Variants in ARHGAP45 observed in about 807,000 individuals in gnomAD.
The protein encoded by ARHGAP45 is Rho GTPase activating protein 45.
ARHGAP45 carries 56 observed loss-of-function variants against 116.1 expected under a neutral mutation model. The observed-to-expected ratio is 0.48, with a 90% CI of 0.39 to 0.60. The LOEUF (loss-of-function observed/expected upper bound fraction) is 0.60. Among genes scored for constraint, ARHGAP45 ranks in the 20% least tolerant of loss-of-function variants. ARHGAP45 has a pLI of 0.00. For synonymous variants in ARHGAP45, 866 were observed against 701.7 expected (o/e 1.23, Z -3.70); for missense variants, 1,622 against 1,601.0 (o/e 1.01, Z -0.22).
intron 10 of ARHGAP45, chr19:1,077,196 G>C (rs1022000742): frequency 1.0e-6 from 1 of 985,374 alleles, no homozygotes; most frequent in Middle Eastern, 5.2e-4. Context: ...CTGTGAGGAG[G>C]GAAGTGAAAG....
chr19:1,074,924 C>A, intron 10 of ARHGAP45, 45 bp downstream of exon 10: 2 of 1,459,792 alleles, frequency 1.4e-6, no homozygotes, highest in Admixed American at 2.2e-5. Context: ...CAGCGGGCCT[C>A]GGCGCAGGCG....
chr19:1,074,004 C>T lies in ARHGAP45; in HGVS notation c.780C>T (p.Asp260=), dbSNP rs773818879. 3.1e-6 allele frequency: 5 copies of T among 1,597,190 alleles called. No individual in the cohort carries two copies. In the South Asian group the frequency reaches 5.6e-5, roughly 18 times the overall value. Residue 260 remains aspartate (D), a synonymous_variant, in exon 6 of 23, where the codon GAC becomes GAT. Coordinates refer to ENST00000313093, the MANE Select transcript of ARHGAP45 (RefSeq NM_012292.5). ...GSEGTPPSLE[D]CDAGCLPAEE... ...AGGGCACGCCTCCCAGCCTGGAAGA[C>T]TGTGACGCCGGTAAGCCCCCACCCA... is the stretch of plus-strand genomic sequence containing the variant.
At position 1,067,356 on chromosome 19, in the gene ARHGAP45, G is replaced by T. The variant is rs1031383820; in HGVS notation, c.-50G>T. Reference sequence around the variant, plus strand: ...GAAGCGGCCAGCGCCGGGAGCTGCAGCGCTGAGACCCCCAGCCCGCCCCCT... The same window carrying T: ...GAAGCGGCCAGCGCCGGGAGCTGCATCGCTGAGACCCCCAGCCCGCCCCCT... On this transcript the variant is annotated 5_prime_UTR_variant, in exon 1 of 23. Transcript: ENST00000313093. 5 of 1,508,672 alleles carry T rather than the reference G, an allele frequency of 3.3e-6. No individual in the cohort carries two copies. In the Admixed American group the frequency reaches 7.1e-5, roughly 21 times the overall value. 93.5% of individuals were successfully genotyped at this position (1,508,672 alleles called of 1,614,324 possible). A position where few individuals can be genotyped will look rare whatever the true frequency, so the allele number is the denominator to read the frequency against.
intron 5 of ARHGAP45, 51 bp from the exon 6 acceptor site, chr19:1,073,897 C>T: frequency 6.5e-7 from 1 of 1,529,480 alleles, no homozygotes; most frequent in Non-Finnish European, 8.8e-7. Context: ...AGGGTGGGCA[C>T]TGCCCAGGGC....
intron 17 of ARHGAP45, 89 bp downstream of exon 17, chr19:1,081,153 C>T: frequency 1.4e-6 from 2 of 1,412,288 alleles, no homozygotes; most frequent in East Asian, 4.8e-5. Flanking sequence ...TCAGGAATGT[C>T]CGGCCCAGAG....
chr19:1,073,881 C>A (rs1367461662), intron 5 of ARHGAP45, 67 bp from the exon 6 acceptor site: 13 of 1,530,514 alleles, frequency 8.5e-6, no homozygotes, highest in Non-Finnish European at 1.1e-5. Context: ...AGCAACCGTC[C>A]CCTGAAGGGT....
In ARHGAP45 at chr19:1,077,992, G is replaced by C; in HGVS notation, c.1321G>C (p.Ala441Pro). 9 of 1,555,256 alleles carry C rather than the reference G, an allele frequency of 5.8e-6. No individual in the cohort carries two copies. Among genetic ancestry groups the C allele is most frequent in the Non-Finnish European group, 7.8e-6 (9 of 1,148,800 alleles). The change falls in exon 11 of 23, where the codon GCC (alanine) becomes CCC (proline). Residue 441 changes from alanine to proline, a missense_variant. Ala to Pro is a conservative substitution (Grantham distance 27). Transcript: ENST00000313093. ...AGSAPGAGST[A>P]TKTLDKRRRL... ...CAGCGCGCCGGGAGCAGGCAGCACG[G>C]CCACCAAGACCCTGGACAAGCGGCG...
chr19:1,079,100 A>G (rs1401145698), intron 11 of ARHGAP45, among the ~76,000 whole-genome samples: 3 of 151,382 alleles, frequency 2.0e-5, no homozygotes, highest in Non-Finnish European at 2.9e-5. Context: ...AAATGGCATG[A>G]ACCCGGGAGG....
chr19:1,067,997 A>T (rs1254283861), intron 1 of ARHGAP45, among the ~76,000 whole-genome samples: 1 of 151,194 alleles, frequency 6.6e-6, no homozygotes, highest in Non-Finnish European at 1.5e-5. Context: ...GATGTCTACA[A>T]GGCCTGGGGC....
At chr19:1,084,476 C>A in intron 22 of ARHGAP45, 130 bp downstream of exon 22, 1 of 645,008 alleles carries the variant, frequency 1.6e-6, no homozygotes, top group African/African-American at 1.9e-5. Context: ...ATTTCGTCTG[C>A]CACGGAGACC....
chr19:1,080,146 G>T (rs779990901), intron 13 of ARHGAP45, 28 bp downstream of exon 13: 49 of 1,610,366 alleles, frequency 3.0e-5, no homozygotes, highest in Non-Finnish European at 4.2e-5. Flanking sequence ...CCCTGTCCCC[G>T]GCGCACAAGG....
intron 19 of ARHGAP45, 25 bp downstream of exon 19, chr19:1,081,986 G>C (rs760327672): frequency 6.2e-7 from 1 of 1,602,912 alleles, no homozygotes; most frequent in Non-Finnish European, 8.5e-7. Context: ...TGGTGGCCAG[G>C]CAGAGCCTGG....
chr19:1,077,122 A>T, intron 10 of ARHGAP45: 1 of 985,304 alleles, frequency 1.0e-6, no homozygotes, highest in Non-Finnish European at 1.2e-6. Context: ...GTTTTTGACT[A>T]AGTGCTCTTC....
At chr19:1,083,619 C>G (rs1457602833) in intron 21 of ARHGAP45, among the ~76,000 whole-genome samples, 1 of 152,220 alleles carries the variant, frequency 6.6e-6, no homozygotes, top group Non-Finnish European at 1.5e-5. Flanking sequence ...ACCCTTCACC[C>G]CCAGCTTCCT....
rs1453348073 is a variant in ARHGAP45 at position 1,073,487 on chromosome 19, C to T, written c.566-19C>T. ...TCCCAGAGTGGGCCCACCTCCTTGTCCTTATCTCTGCTTCCCAGCCTTCCA... is the reference window on the plus strand; with the variant it reads ...TCCCAGAGTGGGCCCACCTCCTTGTTCTTATCTCTGCTTCCCAGCCTTCCA... On this transcript the variant is annotated intron_variant, in intron 3 of 22. Coordinates refer to ENST00000313093, the MANE Select transcript of ARHGAP45 (RefSeq NM_012292.5). The T allele has an allele frequency of 9.3e-6, 15 of 1,612,188 alleles. No individual in the cohort carries two copies. In the Admixed American group the frequency reaches 1.2e-4, roughly 13 times the overall value.
At position 1,084,228 on chromosome 19, in the gene ARHGAP45, G is replaced by C. The variant is rs150937019; in HGVS notation, c.2956-10G>C. The C allele has an allele frequency of 5.6e-6, 9 of 1,612,290 alleles. No individual in the cohort carries two copies. The East Asian group carries it at 2.0e-4, about 36-fold the overall frequency. On this transcript the variant is annotated splice_polypyrimidine_tract_variant and intron_variant, in intron 21 of 22. Transcript: ENST00000313093. Reference sequence around the variant, plus strand: ...CCGGCCCCTCTATGACTTCCGTTCTGCACTTGCAGGACGAGTCATCCAACC... The same window carrying C: ...CCGGCCCCTCTATGACTTCCGTTCTCCACTTGCAGGACGAGTCATCCAACC...
rs560099085 is a variant in ARHGAP45, at chr19:1,082,790, G to T, written c.2518-50G>T. 3.4e-4 allele frequency: 480 copies of T among 1,415,714 alleles called. 1 individual carries two copies. Among genetic ancestry groups the T allele is most frequent in the Admixed American group, 1.4e-3 (50 of 34,686 alleles). 87.7% of individuals were successfully genotyped at this position (1,415,714 alleles called of 1,614,324 possible). ...GGCTGGGGGCGTGGCAGGCACACGT[G>T]GGGGCTGGGCCAGGCCCACCAACAC... is the stretch of plus-strand genomic sequence containing the variant. On this transcript the variant is annotated intron_variant, in intron 19 of 22. Coordinates refer to ENST00000313093, the MANE Select transcript of ARHGAP45 (RefSeq NM_012292.5).
In ARHGAP45 at chr19:1,079,734, G is replaced by C. The variant is rs1177565927; in HGVS notation, c.1406G>C (p.Cys469Ser). 1.2e-6 allele frequency: 2 copies of C among 1,612,542 alleles called. No individual in the cohort carries two copies. Among genetic ancestry groups the C allele is most frequent in the Non-Finnish European group, 1.7e-6 (2 of 1,179,786 alleles). Reference protein sequence around the residue: ...AEEAMATYRTCVADAKTQKQE... With the variant: ...AEEAMATYRTSVADAKTQKQE... ...GAAGCTATGGCCACCTACCGCACCT[G>C]CGTGGCCGACGCGAAGACGCAGAAG... is the stretch of plus-strand genomic sequence containing the variant. The change falls in exon 12 of 23, where the codon TGC becomes TCC. Residue 469 changes from cysteine (C) to serine (S), a missense_variant. By Grantham distance (112) the Cys-to-Ser change is moderately radical. Coordinates refer to ENST00000313093, the MANE Select transcript of ARHGAP45 (RefSeq NM_012292.5).
chr19:1,066,077 T>C (rs759602230), upstream of ARHGAP45: 33 of 1,535,570 alleles, frequency 2.1e-5, no homozygotes. Flanking sequence ...GGTTTGCACT[T>C]GGACCTGGGC....
Sources: allele counts gnomAD v4.1 joint callset (sites outside exome capture counted in the v4.1 genomes callset), GRCh38; gene constraint gnomAD v4.1.1; transcripts MANE v1.5; gene names NCBI Gene and HGNC (gene_info 2026-07-23, HGNC 2026-07-21).